The following DPP10 variants were observed in gnomAD, a reference collection of about 807,000 sequenced individuals.
The protein encoded by DPP10 is inactive dipeptidyl peptidase 10.
A neutral mutation model predicts 120.9 loss-of-function variants in DPP10; 33 were observed. The ratio of observed to expected loss-of-function variants is 0.27; its 90% CI spans 0.21 to 0.37. The LOEUF (loss-of-function observed/expected upper bound fraction) is 0.37, where lower values mean the gene tolerates loss of function less well. DPP10 is among the 10% of genes least tolerant of loss of function. The probability of loss-of-function intolerance (pLI) is 1.00; values close to 1 mark genes in which losing one functional copy is unlikely to be tolerated. For missense variants in DPP10, 816 were observed against 942.8 expected (o/e 0.87, Z 1.76); for synonymous variants, 337 against 326.1 (o/e 1.03, Z -0.36).
intron 1 of DPP10, among the ~76,000 whole-genome samples, chr2:114,655,022 T>A (rs1387127733): frequency 1.3e-5 from 2 of 152,196 alleles, no homozygotes; most frequent in Non-Finnish European, 2.9e-5. Context: ...TAGACTTAGA[T>A]AAGTTAGTTA....
chr2:115,060,796 A>T (rs572090519), intron 1 of DPP10, among the ~76,000 whole-genome samples: 176 of 152,282 alleles, frequency 1.2e-3, no homozygotes, highest in Non-Finnish European at 2.1e-3. Flanking sequence ...TTTTCTAACT[A>T]AAGAATGTTC....
At chr2:115,713,549 G>A (rs1190013501) in intron 7 of DPP10, among the ~76,000 whole-genome samples, 1 of 152,172 alleles carries the variant, frequency 6.6e-6, no homozygotes, top group Admixed American at 6.5e-5. Context: ...ACTAAGCCTA[G>A]TGTCAGGGAG....
intron 19 of DPP10, among the ~76,000 whole-genome samples, chr2:115,806,486 C>T (rs1037205850): frequency 6.6e-6 from 1 of 152,084 alleles, no homozygotes; most frequent in East Asian, 1.9e-4. Flanking sequence ...ACCACACTTT[C>T]CAGTTGATAA....
chr2:115,135,893 G>C (rs887962536), intron 1 of DPP10, among the ~76,000 whole-genome samples: 7 of 152,150 alleles, frequency 4.6e-5, no homozygotes, highest in Non-Finnish European at 8.8e-5. Context: ...AAATGTGCAG[G>C]AAGGTCATAA....
At chr2:115,352,549 C>A (rs1307105080) in intron 3 of DPP10, among the ~76,000 whole-genome samples, 1 of 152,160 alleles carries the variant, frequency 6.6e-6, no homozygotes, top group Non-Finnish European at 1.5e-5. Context: ...ATATATCCAT[C>A]TATCCTTTTA....
chr2:115,627,292 T>A (rs2149303499), intron 5 of DPP10, among the ~76,000 whole-genome samples: 1 of 152,220 alleles, frequency 6.6e-6, no homozygotes, highest in South Asian at 2.1e-4. Flanking sequence ...ACTGGGCAGA[T>A]GAGATCACCT....
chr2:115,391,299 G>T (rs991089651), intron 3 of DPP10, among the ~76,000 whole-genome samples: 1 of 152,124 alleles, frequency 6.6e-6, no homozygotes, highest in African/African-American at 2.4e-5. Context: ...TAAATATGAA[G>T]TCCTTACTAC....
intron 1 of DPP10, among the ~76,000 whole-genome samples, chr2:114,495,819 T>G (rs1490642656): frequency 1.3e-5 from 2 of 152,180 alleles, no homozygotes; most frequent in Non-Finnish European, 2.9e-5. Context: ...ATGAGGTAGA[T>G]AGAGACATCC....
intron 1 of DPP10, among the ~76,000 whole-genome samples, chr2:114,674,695 C>A (rs558823733): frequency 6.6e-6 from 1 of 151,998 alleles, no homozygotes; most frequent in African/African-American, 2.4e-5. Flanking sequence ...GGACTAGATG[C>A]GCTATTGAGA....
intron 1 of DPP10, among the ~76,000 whole-genome samples, chr2:114,650,168 G>A (rs1558967126): frequency 6.6e-6 from 1 of 152,152 alleles, no homozygotes; most frequent in Non-Finnish European, 1.5e-5. Flanking sequence ...GGTCACACCT[G>A]AGTCTTATGA....
intron 7 of DPP10, among the ~76,000 whole-genome samples, chr2:115,705,848 C>T (rs893278844): frequency 2.0e-5 from 3 of 151,744 alleles, no homozygotes; most frequent in Non-Finnish European, 4.4e-5. Context: ...AGTATTGCCC[C>T]ATATCTAACG....
chr2:115,377,604 A>G lies in DPP10; in HGVS notation c.271+33692A>G, dbSNP rs62167325. On this transcript the variant is annotated intron_variant, in intron 3 of 25. Transcript: ENST00000410059. ...GTCTTTTGTTGCCATTGCTTTTGGT[A>G]TTTTAGACATGAAGTCCTTGCCCAT... Among the ~76,000 whole-genome samples, 4 of 152,122 alleles carry G rather than the reference A, an allele frequency of 2.6e-5. 1 individual carries two copies. Among genetic ancestry groups the G allele is most frequent in the South Asian group, 2.1e-4 (1 of 4,820 alleles).
intron 3 of DPP10, among the ~76,000 whole-genome samples, chr2:115,404,262 G>A (rs2068339904): frequency 6.6e-6 from 1 of 151,940 alleles, no homozygotes; most frequent in Non-Finnish European, 1.5e-5. Context: ...GAAGTGGGAG[G>A]TACCACATAC....
At chr2:114,464,309 A>G (rs1382981705) in intron 1 of DPP10, among the ~76,000 whole-genome samples, 2 of 152,138 alleles carry the variant, frequency 1.3e-5, no homozygotes, top group African/African-American at 2.4e-5. Context: ...ACGTAATGGT[A>G]TCTTCTTGTT....
At chr2:114,739,656 C>T (rs540583872) in intron 1 of DPP10, among the ~76,000 whole-genome samples, 1 of 152,220 alleles carries the variant, frequency 6.6e-6, no homozygotes, top group East Asian at 1.9e-4. Flanking sequence ...AAGACTCCAT[C>T]ACACACACAA....
chr2:114,676,254 G>T (rs183722747), intron 1 of DPP10, among the ~76,000 whole-genome samples: 1 of 152,240 alleles, frequency 6.6e-6, no homozygotes, highest in East Asian at 1.9e-4. Flanking sequence ...GAAAAAAATG[G>T]TGGATTAATC....
At chr2:115,330,363 A>T (rs1394243931) in intron 2 of DPP10, among the ~76,000 whole-genome samples, 1 of 150,798 alleles carries the variant, frequency 6.6e-6, no homozygotes, top group Non-Finnish European at 1.5e-5. Context: ...GATTGCAAAA[A>T]TTTTCTCCCA....
chr2:115,685,937 A>G (rs1378366177), intron 5 of DPP10, among the ~76,000 whole-genome samples: 1 of 152,080 alleles, frequency 6.6e-6, no homozygotes, highest in Non-Finnish European at 1.5e-5. Flanking sequence ...TGCAAATTCA[A>G]CTACATGCTA....
chr2:115,661,230 T>C (rs2088946968), intron 5 of DPP10, among the ~76,000 whole-genome samples: 1 of 152,188 alleles, frequency 6.6e-6, no homozygotes, highest in South Asian at 2.1e-4. Flanking sequence ...ATTACAGGCG[T>C]GAGCCACCGC....
Sources: gnomAD v4.1 joint callset for allele counts (sites outside exome capture counted in the v4.1 genomes callset) on GRCh38, gnomAD v4.1.1 for gene constraint, MANE v1.5 for transcripts, NCBI Gene and HGNC (gene_info 2026-07-23, HGNC 2026-07-21) for gene names.